RBMS2: variants seen among roughly 807,000 people sequenced by gnomAD.
RBMS2 encodes the protein RNA binding motif single stranded interacting protein 2, also known as RNA-binding motif, single-stranded-interacting protein 2.
In RBMS2, 38 loss-of-function variants were observed where a neutral mutation model predicts 58.4. That is an observed-to-expected ratio of 0.65 (90% confidence interval 0.50 to 0.85). The LOEUF (loss-of-function observed/expected upper bound fraction) is 0.85, where lower values mean the gene tolerates loss of function less well. Among genes scored for constraint, RBMS2 ranks in the 40% least tolerant of loss-of-function variants. RBMS2 has a pLI of 0.00. For synonymous variants in RBMS2, 151 were observed against 180.7 expected (o/e 0.84, Z 1.32); for missense variants, 367 against 503.7 (o/e 0.73, Z 2.60).
At chr12:56,568,491 G>A (rs986659631) in intron 2 of RBMS2, among the ~76,000 whole-genome samples, 1 of 151,822 alleles carries the variant, frequency 6.6e-6, no homozygotes, top group Non-Finnish European at 1.5e-5. Context: ...CCTTTGGGGA[G>A]GATGGGTTTA....
At chr12:56,533,763 G>T (rs1874244059) in intron 1 of RBMS2, among the ~76,000 whole-genome samples, 1 of 152,010 alleles carries the variant, frequency 6.6e-6, no homozygotes, top group Admixed American at 6.6e-5. Context: ...GTGGAAGAAA[G>T]TGAAGCCAGT....
intron 9 of RBMS2, among the ~76,000 whole-genome samples, chr12:56,583,012 C>G (rs1229291671): frequency 6.6e-6 from 1 of 152,134 alleles, no homozygotes; most frequent in Non-Finnish European, 1.5e-5. Flanking sequence ...TTGAGATCCT[C>G]TGCTCTAATT....
Position 56,583,111 on chromosome 12 carries a change from C to T in RBMS2, c.873+959C>T, listed in dbSNP as rs139387020. 2.6e-3 allele frequency among the ~76,000 whole-genome samples: 402 copies of T among 152,292 alleles called. 3 individuals carry two copies. The highest frequency in any genetic ancestry group is 0.02 in the Middle Eastern group (6 of 294). ...CCCAATGGGGGCATTCACTTAGATTCGTTTTTTTGCTGCTATCAATAATGC... is the reference window on the plus strand; with the variant it reads ...CCCAATGGGGGCATTCACTTAGATTTGTTTTTTTGCTGCTATCAATAATGC... On this transcript the variant is annotated intron_variant, in intron 9 of 13. Coordinates refer to ENST00000262031, the MANE Select transcript of RBMS2 (RefSeq NM_002898.4).
At chr12:56,560,990 C>T (rs1372749453) in intron 1 of RBMS2, among the ~76,000 whole-genome samples, 1 of 152,072 alleles carries the variant, frequency 6.6e-6, no homozygotes, top group Non-Finnish European at 1.5e-5. Flanking sequence ...CATTTAGTTC[C>T]CACTTTATAA....
chr12:56,576,493 C>T (rs756667747), intron 5 of RBMS2, among the ~76,000 whole-genome samples: 25 of 152,096 alleles, frequency 1.6e-4, no homozygotes, highest in Non-Finnish European at 2.9e-4. Context: ...TGGTACTATC[C>T]ATGGTTTCAG....
At chr12:56,547,950 C>A (rs73118833) in intron 1 of RBMS2, among the ~76,000 whole-genome samples, 50,590 of 151,768 alleles carry the variant, frequency 0.33, 8,618 homozygotes, top group South Asian at 0.53. Context: ...CCGTGCCCAG[C>A]CCATTCTGCT....
At chr12:56,546,152 C>G (rs1020196707) in intron 1 of RBMS2, among the ~76,000 whole-genome samples, 1 of 150,338 alleles carries the variant, frequency 6.7e-6, no homozygotes, top group Non-Finnish European at 1.5e-5. Context: ...GAGTCTTGCT[C>G]TGTCGCCCAG....
At chr12:56,551,015 G>A (rs1002879128) in intron 1 of RBMS2, among the ~76,000 whole-genome samples, 13 of 150,992 alleles carry the variant, frequency 8.6e-5, no homozygotes, top group Admixed American at 2.7e-4. Flanking sequence ...CTACTTGGGG[G>A]ACTGAAGCAG....
intron 4 of RBMS2, among the ~76,000 whole-genome samples, chr12:56,570,441 C>G (rs1565766862): frequency 6.6e-6 from 1 of 152,122 alleles, no homozygotes; most frequent in African/African-American, 2.4e-5. Context: ...AGGAGGGAAG[C>G]CACATCAAGG....
At chr12:56,538,986 C>T (rs747886982) in intron 1 of RBMS2, among the ~76,000 whole-genome samples, 12 of 112,904 alleles carry the variant, frequency 1.1e-4, no homozygotes, top group East Asian at 5.0e-4. Flanking sequence ...TCAAATCATT[C>T]GTTGTTAGTT....
At chr12:56,523,220 A>G (rs1038522644) in intron 1 of RBMS2, among the ~76,000 whole-genome samples, 1 of 152,184 alleles carries the variant, frequency 6.6e-6, no homozygotes, top group African/African-American at 2.4e-5. Flanking sequence ...GGGGAGCTAT[A>G]GGTCAGAGGA....
At chr12:56,542,530 C>CTT (rs11295563) in intron 1 of RBMS2, among the ~76,000 whole-genome samples, 1 of 124,302 alleles carries the variant, frequency 8.0e-6, no homozygotes, top group African/African-American at 3.0e-5. Flanking sequence ...CCTGTGTTTC[C>CTT]TTTTTTTTTT....
chr12:56,540,151 A>C (rs1476477713), intron 1 of RBMS2, among the ~76,000 whole-genome samples: 2 of 152,220 alleles, frequency 1.3e-5, no homozygotes, highest in East Asian at 3.9e-4. Context: ...CTCTCTCCCC[A>C]CTAAATACTC....
At chr12:56,569,773 A>C in intron 3 of RBMS2, 126 bp from the exon 4 acceptor site, 1 of 823,736 alleles carries the variant, frequency 1.2e-6, no homozygotes, top group East Asian at 2.5e-5. Context: ...GAAACCTCTC[A>C]ATAGCTCTTT....
At chr12:56,542,124 A>G (rs1331339515) in intron 1 of RBMS2, among the ~76,000 whole-genome samples, 2 of 151,976 alleles carry the variant, frequency 1.3e-5, no homozygotes. Context: ...ACCACTCACT[A>G]CAGCCTCAAC....
At chr12:56,552,536 G>C (rs1046023093) in intron 1 of RBMS2, among the ~76,000 whole-genome samples, 2 of 152,128 alleles carry the variant, frequency 1.3e-5, no homozygotes. Context: ...AAGCAAGAGA[G>C]GTAGGATAAC....
intron 5 of RBMS2, chr12:56,572,951 G>A: frequency 1.0e-6 from 1 of 984,228 alleles, no homozygotes; most frequent in South Asian, 4.7e-5. Context: ...TTGGGCTTTG[G>A]TATCTGCCCT....
At chr12:56,559,545 A>T (rs1385621202) in intron 1 of RBMS2, among the ~76,000 whole-genome samples, 2 of 150,528 alleles carry the variant, frequency 1.3e-5, no homozygotes, top group Non-Finnish European at 1.5e-5. Context: ...TAAACTCAGG[A>T]ACTGTGATTA....
chr12:56,588,314 T>C lies in RBMS2; in HGVS notation c.1083T>C (p.Ala361=). 6.2e-7 allele frequency: 1 copy of C among 1,613,954 alleles called. No homozygotes were observed. The highest frequency in any genetic ancestry group is 8.5e-7 in the Non-Finnish European group (1 of 1,179,852). ...STGTYMPTAA[A]MQGAYISQYT... ...TCTAGTATATGCCGACGGCTGCAGC[T>C]ATGCAAGGAGCTTACATCTCCCAGT... is the stretch of plus-strand genomic sequence containing the variant. The change falls in exon 12 of 14, where the codon GCT becomes GCC. Residue 361 remains alanine, a synonymous_variant. Transcript: ENST00000262031.
Sources: allele counts gnomAD v4.1 joint callset (sites outside exome capture counted in the v4.1 genomes callset), GRCh38; gene constraint gnomAD v4.1.1; transcripts MANE v1.5; gene names NCBI Gene and HGNC (gene_info 2026-07-23, HGNC 2026-07-21).